PLXNC1: variants seen among roughly 807,000 people sequenced by gnomAD.
PLXNC1 encodes plexin-C1.
Under a neutral mutation model 178.2 loss-of-function variants are expected in PLXNC1, and 75 were observed. That is an observed-to-expected ratio of 0.42 (90% CI 0.35 to 0.51). The LOEUF (loss-of-function observed/expected upper bound fraction) is 0.51. PLXNC1 is among the 20% of genes least tolerant of loss of function. The probability of loss-of-function intolerance (pLI) is 0.02; values close to 1 mark genes in which losing one functional copy is unlikely to be tolerated. For synonymous variants in PLXNC1, 790 were observed against 779.9 expected (o/e 1.01, Z -0.22); for missense variants, 1,503 against 1,984.4 (o/e 0.76, Z 4.61).
In PLXNC1 at chr12:94,149,064, C is replaced by A. The variant is rs760354158; in HGVS notation, c.93C>A (p.Pro31=). 1.3e-6 allele frequency: 2 copies of A among 1,552,438 alleles called. No individual in the cohort carries two copies. Among genetic ancestry groups the A allele is most frequent in the Non-Finnish European group, 1.7e-6 (2 of 1,157,936 alleles). The change falls in exon 1 of 31, where the codon CCC becomes CCA. Residue 31 remains proline (P), a synonymous_variant. Transcript: ENST00000258526. The part of the protein sequence containing the change: ...LLAYLLALAA[P]GRGADEPVWR... ...CCTATCTGCTGGCACTGGCGGCTCCCGGCCGGGGCGCGGACGAGCCCGTGT... is the reference window on the plus strand; with the variant it reads ...CCTATCTGCTGGCACTGGCGGCTCCAGGCCGGGGCGCGGACGAGCCCGTGT...
intron 1 of PLXNC1, among the ~76,000 whole-genome samples, chr12:94,164,960 C>T (rs1231657403): frequency 6.6e-6 from 1 of 152,212 alleles, no homozygotes; most frequent in South Asian, 2.1e-4. Flanking sequence ...AGGTTTAGAG[C>T]GAAATCAAGA....
intron 22 of PLXNC1, chr12:94,282,097 G>C: frequency 2.0e-6 from 1 of 510,812 alleles, no homozygotes; most frequent in South Asian, 2.3e-5. Flanking sequence ...GGGAAGAAGT[G>C]GTTTGAAACA....
Position 94,305,559 on chromosome 12 carries a change from G to A in PLXNC1, c.*274G>A, listed in dbSNP as rs541050340. On this transcript the variant is annotated 3_prime_UTR_variant, in exon 31 of 31. Transcript: ENST00000258526. ...TACAGAGAATACAAGGCCAGTAAGC[G>A]AATGTCAGTATTGTAACTACAGTCT... 10 of 362,522 alleles carry A rather than the reference G, an allele frequency of 2.8e-5. No homozygotes were observed. Among genetic ancestry groups the A allele is most frequent in the Admixed American group, 2.2e-4 (5 of 23,158 alleles). The allele number at this position is 362,522 out of a possible 1,614,324, so 22.5% of individuals were successfully genotyped here.
chr12:94,236,289 C>T lies in PLXNC1; in HGVS notation c.1981-1375C>T, dbSNP rs192039859. ...CTCAATCTGCAAAACCAGTCCAAAG[C>T]GCTGATGAGTGATGGGGACGACTGT... On this transcript the variant is annotated intron_variant, in intron 9 of 30. Coordinates refer to ENST00000258526, the MANE Select transcript of PLXNC1 (RefSeq NM_005761.3). Among the ~76,000 whole-genome samples the T allele has an allele frequency of 5.2e-4, 79 of 152,308 alleles. 1 individual carries two copies. Among genetic ancestry groups the T allele is most frequent in the Middle Eastern group, 3.4e-3 (1 of 294 alleles).
At position 94,149,682 on chromosome 12, in the gene PLXNC1, C is replaced by G; in HGVS notation, c.711C>G (p.Ala237=). Residue 237 remains alanine (A), a synonymous_variant, in exon 1 of 31, where the codon GCC becomes GCG. Coordinates refer to ENST00000258526, the MANE Select transcript of PLXNC1 (RefSeq NM_005761.3). ...EGAGSLHFVD[A]FLWNGSIYFP... ...CGGGCAGCCTGCACTTCGTGGACGC[C>G]TTTCTCTGGAACGGCAGCATCTACT... 6.2e-7 allele frequency: 1 copy of G among 1,610,792 alleles called. No homozygotes were observed. Among genetic ancestry groups the G allele is most frequent in the Non-Finnish European group, 8.5e-7 (1 of 1,178,678 alleles).
Position 94,260,798 on chromosome 12 carries a change from C to G in PLXNC1, c.3408C>G (p.Leu1136=). 1 of 1,614,194 alleles carries G rather than the reference C, an allele frequency of 6.2e-7. No individual in the cohort carries two copies. The highest frequency in any genetic ancestry group is 1.1e-5 in the South Asian group (1 of 91,082). The change falls in exon 20 of 31, where the codon CTC becomes CTG. Residue 1136 remains leucine, a synonymous_variant. Transcript: ENST00000258526. The surrounding 1 kb of genome is among the most constrained non-coding windows in gnomAD (Gnocchi z 4.4). ...GCACGGAGTCCGTCGTCGAAAAACT[C>G]CTCACAAACTGGATGTCCGTCTGCC... The part of the protein sequence containing the change: ...LRRTESVVEK[L]LTNWMSVCLS...
chr12:94,207,186 T>G (rs1395278136), intron 4 of PLXNC1, among the ~76,000 whole-genome samples: 1 of 152,184 alleles, frequency 6.6e-6, no homozygotes, highest in Non-Finnish European at 1.5e-5. Context: ...TTATTTGTAC[T>G]GGTGAGAGGC....
chr12:94,227,149 G>A lies in PLXNC1; in HGVS notation c.1894G>A (p.Glu632Lys). The A allele has an allele frequency of 1.2e-6, 2 of 1,603,470 alleles. No individual in the cohort carries two copies. Among genetic ancestry groups the A allele is most frequent in the Non-Finnish European group, 8.5e-7 (1 of 1,170,336 alleles). Residue 632 changes from glutamate (E) to lysine (K), a missense_variant and splice_region_variant, in exon 9 of 31, where the codon GAA (glutamate) becomes AAA (lysine). By Grantham distance (56) the Glu-to-Lys change is moderately conservative. This residue lies in a region of PLXNC1 where 615 missense variants were observed against 698.6 expected (regional missense o/e 0.88). Coordinates refer to ENST00000258526, the MANE Select transcript of PLXNC1 (RefSeq NM_005761.3). ...CDPSDYERNQ[E>K]QCPVAVEKTS... ...GTTGAAGGGATGTTCTCCATTCCAG[G>A]AACAGTGTCCAGTGGCTGTCGAGAA...
Position 94,259,722 on chromosome 12 carries a change from C to T in PLXNC1, c.3239C>T (p.Ser1080Phe), listed in dbSNP as rs1432409428. Reference protein sequence around the residue: ...IHTLEKQKNFSVKDRCLFASF... With the variant: ...IHTLEKQKNFFVKDRCLFASF... Reference sequence around the variant, plus strand: ...ACCCTTGAAAAGCAGAAGAACTTTTCTGTGAAGGACAGGTATTAGTCCATT... The same window carrying T: ...ACCCTTGAAAAGCAGAAGAACTTTTTTGTGAAGGACAGGTATTAGTCCATT... Residue 1080 changes from serine to phenylalanine, a missense_variant, in exon 19 of 31, where the codon TCT (serine) becomes TTT (phenylalanine). This residue lies in a region of PLXNC1 where 639 missense variants were observed against 979.7 expected (regional missense o/e 0.65). Transcript: ENST00000258526. 1 of 1,608,414 alleles carries T rather than the reference C, an allele frequency of 6.2e-7. No individual in the cohort carries two copies.
At chr12:94,223,333 T>C (rs1963847080) in intron 6 of PLXNC1, among the ~76,000 whole-genome samples, 1 of 152,224 alleles carries the variant, frequency 6.6e-6, no homozygotes, top group Non-Finnish European at 1.5e-5. Context: ...TATTAATACC[T>C]TGTTATTAGC....
intron 4 of PLXNC1, among the ~76,000 whole-genome samples, chr12:94,187,973 CAG>C (rs985446763): frequency 1.3e-5 from 2 of 151,398 alleles, no homozygotes; most frequent in African/African-American, 4.9e-5. Flanking sequence ...GGAGGGGAAA[CAG>C]AACAAGAAAT....
chr12:94,212,722 C>CTTTTTT (rs538048142), intron 5 of PLXNC1, among the ~76,000 whole-genome samples: 24 of 136,148 alleles, frequency 1.8e-4, no homozygotes, highest in South Asian at 2.3e-4. Context: ...CTTTTCTTTT[C>CTTTTTT]TTTTTTTTTT....
chr12:94,195,881 A>C (rs1312896107), intron 4 of PLXNC1, among the ~76,000 whole-genome samples: 1 of 152,216 alleles, frequency 6.6e-6, no homozygotes, highest in East Asian at 1.9e-4. Context: ...CTGAATGCTA[A>C]ACATATTTGT....
intron 5 of PLXNC1, among the ~76,000 whole-genome samples, chr12:94,213,340 C>T (rs1339177217): frequency 6.6e-6 from 1 of 152,200 alleles, no homozygotes; most frequent in Non-Finnish European, 1.5e-5. Context: ...TTAATGATCG[C>T]CATTCTAACT....
At chr12:94,224,737 C>A (rs556210781) in intron 7 of PLXNC1, among the ~76,000 whole-genome samples, 4 of 151,932 alleles carry the variant, frequency 2.6e-5, no homozygotes, top group Non-Finnish European at 5.9e-5. Context: ...GAGACGCCAT[C>A]GCTACAAAAA....
chr12:94,247,486 C>T (rs1363744704), intron 12 of PLXNC1, among the ~76,000 whole-genome samples: 2 of 152,142 alleles, frequency 1.3e-5, no homozygotes, highest in African/African-American at 2.4e-5. Flanking sequence ...TTTCTTTTCT[C>T]GTGGTTTCCC....
At chr12:94,226,503 TGCCTTC>T in intron 7 of PLXNC1, 96 bp from the exon 8 acceptor site, 11 of 710,276 alleles carry the variant, frequency 1.5e-5, no homozygotes, top group South Asian at 3.5e-5. Context: ...TTTTTTTTTT[TGCCTTC>T]TTTTAAATGC....
At chr12:94,183,071 A>T (rs1240421384) in intron 3 of PLXNC1, among the ~76,000 whole-genome samples, 5 of 152,200 alleles carry the variant, frequency 3.3e-5, no homozygotes, top group African/African-American at 4.8e-5. Flanking sequence ...GGAAAGTGCA[A>T]AGAAGATAAT....
chr12:94,303,697 T>G, intron 28 of PLXNC1, 59 bp from the exon 29 acceptor site: 1 of 995,648 alleles, frequency 1.0e-6, no homozygotes, highest in South Asian at 2.1e-5. Context: ...CTCCATCTTT[T>G]TTTTTTTTTT....
Sources: gnomAD v4.1 joint callset for allele counts (sites outside exome capture counted in the v4.1 genomes callset) on GRCh38, gnomAD v4.1.1 for gene constraint, gnomAD v4.1.1 regional missense constraint, Gnocchi (gnomAD v3.1) non-coding constraint, MANE v1.5 for transcripts, NCBI Gene and HGNC (gene_info 2026-07-23, HGNC 2026-07-21) for gene names.